The following CFAP299 variants were observed in gnomAD, a reference collection of about 807,000 sequenced individuals.
CFAP299 encodes cilia and flagella associated protein 299.
In CFAP299, 21 loss-of-function variants were observed where a neutral mutation model predicts 27.0. That is an observed-to-expected ratio of 0.78 (90% CI 0.55 to 1.12). The LOEUF (loss-of-function observed/expected upper bound fraction) is 1.12. Among genes scored for constraint, CFAP299 ranks in the 50% most tolerant of loss-of-function variants. CFAP299 has a pLI of 0.00. For missense variants in CFAP299, 310 were observed against 276.6 expected (o/e 1.12, Z -0.86); for synonymous variants, 104 against 98.1 (o/e 1.06, Z -0.36).
At chr4:80,516,026 T>G (rs887412602) in intron 2 of CFAP299, among the ~76,000 whole-genome samples, 11 of 149,446 alleles carry the variant, frequency 7.4e-5, no homozygotes, top group African/African-American at 2.7e-4. Flanking sequence ...TCTTTTTTTT[T>G]TTTTTTTTTT....
intron 2 of CFAP299, among the ~76,000 whole-genome samples, chr4:80,373,591 G>T (rs1724259782): frequency 6.6e-6 from 1 of 151,928 alleles, no homozygotes; most frequent in Admixed American, 6.6e-5. Context: ...TTTATTGATT[G>T]CCCATCTGTT....
intron 4 of CFAP299, among the ~76,000 whole-genome samples, chr4:80,940,828 A>G (rs1313513326): frequency 6.6e-6 from 1 of 152,166 alleles, no homozygotes; most frequent in Non-Finnish European, 1.5e-5. Flanking sequence ...ACTGTGCCCT[A>G]ATCAGTTGAA....
At chr4:80,567,480 C>T (rs911102488) in intron 2 of CFAP299, among the ~76,000 whole-genome samples, 2 of 151,804 alleles carry the variant, frequency 1.3e-5, no homozygotes, top group African/African-American at 4.8e-5. Context: ...TAACCTGGCT[C>T]CTAAAGAATA....
At chr4:80,578,409 A>T (rs1465302538) in intron 2 of CFAP299, among the ~76,000 whole-genome samples, 3 of 152,196 alleles carry the variant, frequency 2.0e-5, no homozygotes, top group African/African-American at 4.8e-5. Context: ...ATTATTATGT[A>T]ACATTTTTTT....
intron 2 of CFAP299, among the ~76,000 whole-genome samples, chr4:80,438,551 C>G (rs550900594): frequency 6.6e-6 from 1 of 152,182 alleles, no homozygotes; most frequent in South Asian, 2.1e-4. Context: ...CTAATTTGAA[C>G]GTTACCTTTG....
At chr4:80,770,835 C>T (rs1331122381) in intron 3 of CFAP299, among the ~76,000 whole-genome samples, 1 of 152,112 alleles carries the variant, frequency 6.6e-6, no homozygotes, top group Non-Finnish European at 1.5e-5. Flanking sequence ...TGAGGCCACT[C>T]TCAGCTTCGG....
intron 1 of CFAP299, among the ~76,000 whole-genome samples, chr4:80,339,498 C>A: frequency 6.6e-6 from 1 of 152,068 alleles, no homozygotes; most frequent in East Asian, 1.9e-4. Context: ...GAAACTAACC[C>A]CAGTTAATTA....
intron 1 of CFAP299, 25 bp downstream of exon 1, chr4:80,335,904 G>T: frequency 7.1e-7 from 1 of 1,408,208 alleles, no homozygotes; most frequent in Non-Finnish European, 1.0e-6. Flanking sequence ...CGGCAGAGTA[G>T]CCGCCGCCGC....
chr4:80,429,648 G>A (rs1360167934), intron 2 of CFAP299, among the ~76,000 whole-genome samples: 1 of 152,040 alleles, frequency 6.6e-6, no homozygotes, highest in East Asian at 1.9e-4. Flanking sequence ...AAGAACATGA[G>A]CATGCTATGA....
chr4:80,436,390 A>T (rs991299870), intron 2 of CFAP299, among the ~76,000 whole-genome samples: 43 of 148,024 alleles, frequency 2.9e-4, no homozygotes, highest in African/African-American at 1.0e-3. Context: ...GCTCCGCCTC[A>T]CAGGTTCACG....
intron 2 of CFAP299, among the ~76,000 whole-genome samples, chr4:80,555,715 T>C (rs1006154039): frequency 1.3e-5 from 2 of 152,128 alleles, no homozygotes; most frequent in African/African-American, 4.8e-5. Flanking sequence ...TTCTTCCTTG[T>C]TCAGTCTTGG....
intron 3 of CFAP299, among the ~76,000 whole-genome samples, chr4:80,868,948 T>C (rs1178631876): frequency 6.7e-6 from 1 of 150,128 alleles, no homozygotes; most frequent in African/African-American, 2.5e-5. Flanking sequence ...TGTGTGTGTG[T>C]CCCAATATGA....
At chr4:80,442,983 C>T (rs1206133099) in intron 2 of CFAP299, among the ~76,000 whole-genome samples, 1 of 152,124 alleles carries the variant, frequency 6.6e-6, no homozygotes, top group Non-Finnish European at 1.5e-5. Context: ...CAAGACTAAA[C>T]CAGGAGAAGT....
intron 3 of CFAP299, among the ~76,000 whole-genome samples, chr4:80,638,821 G>A (rs563838315): frequency 6.6e-6 from 1 of 152,274 alleles, no homozygotes; most frequent in Admixed American, 6.5e-5. Context: ...TAGGTTGTCT[G>A]CTCATGCTGC....
chr4:80,528,231 T>C (rs887886631), intron 2 of CFAP299, among the ~76,000 whole-genome samples: 38 of 152,140 alleles, frequency 2.5e-4, no homozygotes, highest in Admixed American at 8.5e-4. Flanking sequence ...AACCCTTTTT[T>C]GAGCCCATGA....
At chr4:80,589,183 C>T (rs1365350898) in intron 3 of CFAP299, among the ~76,000 whole-genome samples, 1 of 152,132 alleles carries the variant, frequency 6.6e-6, no homozygotes, top group African/African-American at 2.4e-5. Flanking sequence ...AACTCAATTA[C>T]TCCTGATTTA....
chr4:80,654,903 A>T (rs1463024745), intron 3 of CFAP299, among the ~76,000 whole-genome samples: 2 of 151,348 alleles, frequency 1.3e-5, no homozygotes, highest in African/African-American at 4.9e-5. Flanking sequence ...GGTAGTAACC[A>T]TCATACCTAG....
chr4:80,861,028 G>C (rs540051021), intron 3 of CFAP299, among the ~76,000 whole-genome samples: 36 of 152,330 alleles, frequency 2.4e-4, no homozygotes, highest in African/African-American at 8.4e-4. Flanking sequence ...AGCCTACAGA[G>C]GCAGGCAGGC....
At chr4:80,646,535 T>C (rs1035844883) in intron 3 of CFAP299, among the ~76,000 whole-genome samples, 1 of 152,250 alleles carries the variant, frequency 6.6e-6, no homozygotes, top group Non-Finnish European at 1.5e-5. Flanking sequence ...TTCTCTTGTA[T>C]AAGCCAGTTT....
Sources: gnomAD v4.1 joint callset for allele counts (sites outside exome capture counted in the v4.1 genomes callset) on GRCh38, gnomAD v4.1.1 for gene constraint, MANE v1.5 for transcripts, NCBI Gene and HGNC (gene_info 2026-07-23, HGNC 2026-07-21) for gene names.